The following RIMBP2 variants were observed in gnomAD, a reference collection of about 807,000 sequenced individuals.
The protein encoded by RIMBP2 is RIMS binding protein 2.
A neutral mutation model predicts 118.6 loss-of-function variants in RIMBP2; 48 were observed. The observed-to-expected ratio is 0.40, with a 90% CI of 0.32 to 0.51. The LOEUF (loss-of-function observed/expected upper bound fraction) is 0.51. Among genes scored for constraint, RIMBP2 ranks in the 20% least tolerant of loss-of-function variants. The probability of loss-of-function intolerance (pLI) is 0.41; values close to 1 mark genes in which losing one functional copy is unlikely to be tolerated. For missense variants in RIMBP2, 1,551 were observed against 1,768.3 expected (o/e 0.88, Z 2.20); for synonymous variants, 762 against 742.9 (o/e 1.03, Z -0.42).
At chr12:130,647,223 C>T (rs756193811) in intron 1 of RIMBP2, among the ~76,000 whole-genome samples, 9 of 152,100 alleles carry the variant, frequency 5.9e-5, no homozygotes, top group African/African-American at 9.7e-5. Flanking sequence ...ATTAGCGAGG[C>T]GTGATGGTGC....
intron 1 of RIMBP2, among the ~76,000 whole-genome samples, chr12:130,646,610 T>C (rs911242562): frequency 6.6e-6 from 1 of 151,922 alleles, no homozygotes; most frequent in Non-Finnish European, 1.5e-5. Context: ...ACAAGAAGAA[T>C]GACAACCAAT....
intron 6 of RIMBP2, chr12:130,470,310 C>T (rs139078166): frequency 2.2e-5 from 4 of 179,506 alleles, no homozygotes; most frequent in Non-Finnish European, 3.5e-5. Context: ...GGATGGCCTC[C>T]GGAAGGTCCA....
intron 4 of RIMBP2, among the ~76,000 whole-genome samples, chr12:130,498,281 G>C (rs576755748): frequency 2.6e-5 from 4 of 152,206 alleles, no homozygotes; most frequent in African/African-American, 9.6e-5. Context: ...AGTGCCGGTC[G>C]GTTCAGCGAG....
At chr12:130,550,911 A>C (rs1274362035) in intron 2 of RIMBP2, among the ~76,000 whole-genome samples, 2 of 152,252 alleles carry the variant, frequency 1.3e-5, no homozygotes, top group African/African-American at 4.8e-5. Flanking sequence ...ATAAGTAATC[A>C]TGAAGTTACT....
intron 4 of RIMBP2, 88 bp downstream of exon 4, chr12:130,506,560 C>A: frequency 1.1e-6 from 1 of 926,266 alleles, no homozygotes; most frequent in South Asian, 5.0e-5. Flanking sequence ...GCTTTACATA[C>A]CTTCTGCTCG....
intron 1 of RIMBP2, among the ~76,000 whole-genome samples, chr12:130,700,981 A>T (rs1213216326): frequency 3.3e-5 from 5 of 152,242 alleles, no homozygotes; most frequent in African/African-American, 1.2e-4. Flanking sequence ...TGTGTGCCAC[A>T]TGTAACATGG....
intron 1 of RIMBP2, among the ~76,000 whole-genome samples, chr12:130,669,776 C>A (rs998593863): frequency 6.6e-6 from 1 of 152,062 alleles, no homozygotes; most frequent in Non-Finnish European, 1.5e-5. Context: ...GTCAGAATAC[C>A]CTTTCCGAGT....
chr12:130,698,486 T>A (rs2065681017), intron 1 of RIMBP2, among the ~76,000 whole-genome samples: 1 of 152,214 alleles, frequency 6.6e-6, no homozygotes, highest in African/African-American at 2.4e-5. Flanking sequence ...CTGGACGCAG[T>A]GGCTCACACC....
chr12:130,522,589 GA>G (rs1273794072), intron 2 of RIMBP2, among the ~76,000 whole-genome samples: 1 of 152,228 alleles, frequency 6.6e-6, no homozygotes, highest in Non-Finnish European at 1.5e-5. Flanking sequence ...TCTACAGGCG[GA>G]ATTCGACTTC....
chr12:130,700,347 C>T (rs867205066), intron 1 of RIMBP2, among the ~76,000 whole-genome samples: 16 of 152,176 alleles, frequency 1.1e-4, no homozygotes, highest in African/African-American at 3.1e-4. Flanking sequence ...GTCTGCAAGA[C>T]GGTCAACCAC....
chr12:130,546,241 C>A (rs1044200420), intron 2 of RIMBP2, among the ~76,000 whole-genome samples: 1 of 150,084 alleles, frequency 6.7e-6, no homozygotes, highest in Non-Finnish European at 1.5e-5. Context: ...GTAGCTGGGA[C>A]TACAGGTGTC....
At chr12:130,678,384 G>C (rs890901213) in intron 1 of RIMBP2, among the ~76,000 whole-genome samples, 4 of 152,250 alleles carry the variant, frequency 2.6e-5, no homozygotes, top group African/African-American at 9.6e-5. Flanking sequence ...GGATCGTAGT[G>C]CTGCTGCGCC....
At chr12:130,532,218 CGTCT>C (rs2053489900) in intron 2 of RIMBP2, among the ~76,000 whole-genome samples, 2 of 136,150 alleles carry the variant, frequency 1.5e-5, no homozygotes, top group African/African-American at 2.7e-5. Flanking sequence ...CTAGGAGTTA[CGTCT>C]AATGAGATGC....
At chr12:130,661,110 T>G (rs10848174) in intron 1 of RIMBP2, among the ~76,000 whole-genome samples, 33,278 of 152,142 alleles carry the variant, frequency 0.22, 4,052 homozygotes, top group East Asian at 0.32. Context: ...CCAGAATAAC[T>G]GCCGCGGTGG....
At chr12:130,512,646 G>A (rs1308657635) in intron 3 of RIMBP2, among the ~76,000 whole-genome samples, 2 of 152,148 alleles carry the variant, frequency 1.3e-5, no homozygotes, top group Non-Finnish European at 2.9e-5. Context: ...CATTGCTCCT[G>A]GACTAGAACA....
In RIMBP2 at chr12:130,476,330, G is replaced by A. The variant is rs147640306; in HGVS notation, c.102+2582C>T. Among the ~76,000 whole-genome samples the A allele has an allele frequency of 1.2e-4, 18 of 152,332 alleles. No individual in the cohort carries two copies. The East Asian group carries it at 3.3e-3, about 28-fold the overall frequency. Reference sequence around the variant, plus strand: ...AGAGAGAAGAGGGTCACTCCTTTGAGATGGCTCCACAGCCCTCTCATCAGA... The same window carrying A: ...AGAGAGAAGAGGGTCACTCCTTTGAAATGGCTCCACAGCCCTCTCATCAGA... On this transcript the variant is annotated intron_variant, in intron 5 of 22. Transcript: ENST00000690449.
intron 4 of RIMBP2, among the ~76,000 whole-genome samples, chr12:130,481,922 AC>A (rs931647698): frequency 7.6e-6 from 1 of 130,828 alleles, no homozygotes; most frequent in Non-Finnish European, 1.6e-5. Context: ...TTTCCCCCCG[AC>A]CCCCCAAGCC....
At chr12:130,487,978 T>C (rs2082624070) in intron 4 of RIMBP2, among the ~76,000 whole-genome samples, 1 of 152,162 alleles carries the variant, frequency 6.6e-6, no homozygotes, top group Non-Finnish European at 1.5e-5. Flanking sequence ...ATTCTCACTT[T>C]CTCAACTGGA....
chr12:130,477,863 G>A (rs553055989), intron 5 of RIMBP2, among the ~76,000 whole-genome samples: 12 of 152,350 alleles, frequency 7.9e-5, no homozygotes, highest in African/African-American at 1.4e-4. Context: ...AGCACCGGGC[G>A]GGAGGCTGCA....
Sources: gnomAD v4.1 joint callset for allele counts (sites outside exome capture counted in the v4.1 genomes callset) on GRCh38, gnomAD v4.1.1 for gene constraint, MANE v1.5 for transcripts, NCBI Gene and HGNC (gene_info 2026-07-23, HGNC 2026-07-21) for gene names.